SLC30A9: variants seen among roughly 807,000 people sequenced by gnomAD.
SLC30A9 encodes the protein solute carrier family 30 member 9.
In SLC30A9, 58 loss-of-function variants were observed where a neutral mutation model predicts 87.5. The ratio of observed to expected loss-of-function variants is 0.66; its 90% CI spans 0.54 to 0.82. The LOEUF is 0.82. Ranked by LOEUF, SLC30A9 falls within the 40% of genes least tolerant of loss-of-function variation. The pLI is 0.00. For missense variants in SLC30A9, 557 were observed against 679.1 expected (o/e 0.82, Z 2.00); for synonymous variants, 234 against 233.0 (o/e 1.00, Z -0.04).
chr4:42,075,051 A>AT (rs1487645715), intron 15 of SLC30A9, among the ~76,000 whole-genome samples: 1 of 24,070 alleles, frequency 4.2e-5, no homozygotes, highest in Non-Finnish European at 7.0e-5. Flanking sequence ...ATATATATAT[A>AT]TATATATATT....
At chr4:42,082,831 G>C (rs187583031) in intron 17 of SLC30A9, among the ~76,000 whole-genome samples, 5 of 145,168 alleles carry the variant, frequency 3.4e-5, no homozygotes, top group African/African-American at 1.3e-4. Flanking sequence ...CTGGGTGACA[G>C]AGCAAGACTC....
chr4:42,085,412 T>C (rs977263167), intron 17 of SLC30A9, among the ~76,000 whole-genome samples: 10 of 152,226 alleles, frequency 6.6e-5, no homozygotes, highest in Non-Finnish European at 1.5e-5. Flanking sequence ...AGTTAATTTC[T>C]TCGTACTTCA....
At chr4:42,029,530 G>A in intron 6 of SLC30A9, 1 of 679,014 alleles carries the variant, frequency 1.5e-6, no homozygotes. Flanking sequence ...GCTGAACGTA[G>A]TTAGGTTCCT....
chr4:42,041,368 T>A (rs1716916442), intron 8 of SLC30A9, among the ~76,000 whole-genome samples: 2 of 151,948 alleles, frequency 1.3e-5, no homozygotes, highest in African/African-American at 4.8e-5. Context: ...CACTGCAACC[T>A]CCGCCTCCCA....
chr4:42,055,528 A>AG (rs1717576330), intron 9 of SLC30A9, among the ~76,000 whole-genome samples: 1 of 152,200 alleles, frequency 6.6e-6, no homozygotes, highest in African/African-American at 2.4e-5. Flanking sequence ...CTGGGACTAC[A>AG]GGCGCCCGCC....
intron 6 of SLC30A9, among the ~76,000 whole-genome samples, chr4:42,033,783 G>A (rs1037148670): frequency 6.6e-6 from 1 of 152,122 alleles, no homozygotes; most frequent in Non-Finnish European, 1.5e-5. Context: ...CACCATGTTA[G>A]CCAGGATGGT....
At position 42,001,608 on chromosome 4, in the gene SLC30A9, T is replaced by TC. The variant is rs1303866589; in HGVS notation, c.110-7dup. 8 of 1,553,412 alleles carry TC rather than the reference T, an allele frequency of 5.1e-6. No individual in the cohort carries two copies. In the African/African-American group the frequency reaches 1.1e-4, roughly 21 times the overall value. ...TTGAAATTAAAGTATATATATTTTT[T>TC]CTTTTAGAGTGGCAGAATTTAGTGA... On this transcript the variant is annotated splice_polypyrimidine_tract_variant and splice_region_variant and intron_variant, in intron 1 of 17. Transcript: ENST00000264451.
intron 8 of SLC30A9, among the ~76,000 whole-genome samples, chr4:42,047,436 C>T (rs956460051): frequency 1.3e-5 from 2 of 152,210 alleles, no homozygotes; most frequent in Admixed American, 6.5e-5. Context: ...ACAGACACTT[C>T]TCAAAAGAAG....
At chr4:42,037,511 A>G (rs1447475205) in intron 7 of SLC30A9, among the ~76,000 whole-genome samples, 3 of 151,914 alleles carry the variant, frequency 2.0e-5, no homozygotes, top group East Asian at 1.9e-4. Context: ...TCTGCTTAAT[A>G]TATTTAACTC....
intron 9 of SLC30A9, among the ~76,000 whole-genome samples, chr4:42,054,534 A>G (rs1284993732): frequency 6.8e-6 from 1 of 147,602 alleles, no homozygotes; most frequent in East Asian, 2.0e-4. Context: ...TCTGTCACCC[A>G]GGCTGGAGTG....
At chr4:41,994,666 A>G (rs1714613778) in intron 1 of SLC30A9, among the ~76,000 whole-genome samples, 1 of 151,536 alleles carries the variant, frequency 6.6e-6, no homozygotes, top group Non-Finnish European at 1.5e-5. Context: ...TTAAATAACT[A>G]AGAGTATTGA....
rs1446890800 is a variant in SLC30A9, at chr4:42,087,274, TGTG to T, written c.*1152_*1154del. ...AAACATGCAATTCAGTAATTGAAAA[TGTG>T]GTGAAAAGCTGCAGCTGTCATCATC... On this transcript the variant is annotated 3_prime_UTR_variant, in exon 18 of 18. Transcript: ENST00000264451. 1.3e-5 allele frequency: 2 copies of T among 152,164 alleles called. No individual in the cohort carries two copies. The highest frequency in any genetic ancestry group is 4.8e-5 in the African/African-American group (2 of 41,448). The allele number at this position is 152,164 out of a possible 1,614,324, so 9.4% of individuals were successfully genotyped here.
At chr4:42,009,004 C>T (rs1715331535) in intron 2 of SLC30A9, among the ~76,000 whole-genome samples, 1 of 151,994 alleles carries the variant, frequency 6.6e-6, no homozygotes, top group South Asian at 2.1e-4. Context: ...TTTATTAGAA[C>T]ACAGTTAAGG....
At chr4:42,053,947 G>A (rs181947288) in intron 9 of SLC30A9, among the ~76,000 whole-genome samples, 151 of 152,260 alleles carry the variant, frequency 9.9e-4, no homozygotes, top group Admixed American at 1.6e-3. Flanking sequence ...AAATGGTTGC[G>A]TCTGATGTCG....
intron 11 of SLC30A9, among the ~76,000 whole-genome samples, chr4:42,063,599 C>T (rs1412617192): frequency 2.6e-5 from 4 of 152,208 alleles, no homozygotes; most frequent in Non-Finnish European, 5.9e-5. Flanking sequence ...AGGATGATCA[C>T]CCGTATGATC....
At chr4:42,014,413 T>G (rs1353207284) in intron 2 of SLC30A9, among the ~76,000 whole-genome samples, 1 of 152,072 alleles carries the variant, frequency 6.6e-6, no homozygotes, top group African/African-American at 2.4e-5. Flanking sequence ...AAAAATTAGC[T>G]GGGTGTGGTG....
intron 1 of SLC30A9, among the ~76,000 whole-genome samples, chr4:41,999,419 T>C (rs1425228778): frequency 1.3e-5 from 2 of 152,216 alleles, no homozygotes; most frequent in African/African-American, 4.8e-5. Flanking sequence ...TGAAGAACAG[T>C]AGACACTATG....
At chr4:42,082,140 C>T (rs1315445396) in intron 17 of SLC30A9, among the ~76,000 whole-genome samples, 1 of 151,726 alleles carries the variant, frequency 6.6e-6, no homozygotes, top group African/African-American at 2.4e-5. Flanking sequence ...TGGCATGAAC[C>T]CAGGAGGCAG....
rs1718757484 is a variant in SLC30A9 at position 42,082,057 on chromosome 4, A to G, written c.1662+3732A>G. 3.3e-5 allele frequency among the ~76,000 whole-genome samples: 5 copies of G among 152,120 alleles called. No individual in the cohort carries two copies. The South Asian group carries it at 6.2e-4, about 19-fold the overall frequency. On this transcript the variant is annotated intron_variant, in intron 17 of 17. Transcript: ENST00000264451. ...ATGACGAAACCCCGTCTCTACTAAA[A>G]ATACAAAATATTAGCCGGGCGTGGT...
Sources: allele counts gnomAD v4.1 joint callset (sites outside exome capture counted in the v4.1 genomes callset), GRCh38; gene constraint gnomAD v4.1.1; transcripts MANE v1.5; gene names NCBI Gene and HGNC (gene_info 2026-07-23, HGNC 2026-07-21).